TENM4: variants seen among roughly 807,000 people sequenced by gnomAD.
The protein encoded by TENM4 is teneurin transmembrane protein 4.
In TENM4, 82 loss-of-function variants were observed where a neutral mutation model predicts 243.3. That is an observed-to-expected ratio of 0.34 (90% CI 0.28 to 0.40). The LOEUF is 0.40. TENM4 is among the 10% of genes least tolerant of loss of function. The pLI is 1.00. For missense variants in TENM4, 3,138 were observed against 3,673.3 expected, an observed-to-expected ratio of 0.85 and a Z score of 3.77; for synonymous variants, 1,412 against 1,456.3, an observed-to-expected ratio of 0.97 and a Z score of 0.69.
chr11:79,138,430 T>C (rs1341054391), intron 4 of TENM4, among the ~76,000 whole-genome samples: 2 of 115,860 alleles, frequency 1.7e-5, no homozygotes, highest in Non-Finnish European at 3.2e-5. Flanking sequence ...ATATTATATA[T>C]AAATATATAT....
At chr11:78,763,855 T>C (rs1211209147) in intron 18 of TENM4, among the ~76,000 whole-genome samples, 1 of 148,164 alleles carries the variant, frequency 6.7e-6, no homozygotes, top group Non-Finnish European at 1.5e-5. Context: ...ACAAAAGAAA[T>C]TTGAGTGTCT....
At chr11:79,431,491 A>G (rs998892650) in intron 1 of TENM4, among the ~76,000 whole-genome samples, 4 of 152,194 alleles carry the variant, frequency 2.6e-5, no homozygotes, top group Non-Finnish European at 5.9e-5. Flanking sequence ...ACTAAACGGA[A>G]TAAGTGTTCC....
chr11:79,424,261 C>G (rs1199767983), intron 1 of TENM4, among the ~76,000 whole-genome samples: 1 of 152,068 alleles, frequency 6.6e-6, no homozygotes, highest in Non-Finnish European at 1.5e-5. Context: ...GCCCAACATC[C>G]GTGATTCACA....
At chr11:78,660,152 C>A (rs1433022174) in intron 33 of TENM4, among the ~76,000 whole-genome samples, 1 of 152,056 alleles carries the variant, frequency 6.6e-6, no homozygotes, top group African/African-American at 2.4e-5. Flanking sequence ...AGAGCAAATG[C>A]CAGGATATCT....
intron 12 of TENM4, among the ~76,000 whole-genome samples, chr11:78,842,297 A>G (rs1858277683): frequency 6.6e-6 from 1 of 152,232 alleles, no homozygotes; most frequent in South Asian, 2.1e-4. Context: ...ACAAGTGGTC[A>G]ATAGAACCAG....
At position 78,676,357 on chromosome 11, in the gene TENM4, G is replaced by A; in HGVS notation, c.5291C>T (p.Ala1764Val). The A allele has an allele frequency of 1.2e-6, 2 of 1,606,046 alleles. No homozygotes were observed. The highest frequency in any genetic ancestry group is 4.5e-5 in the East Asian group (2 of 44,680). The part of the protein sequence containing the change: ...DQVRNSYYIG[A>V]DGSLRLLLAN... ...CAGCAGCAGCCGCAAGGAGCCATCG[G>A]CCCCGATGTAGTAGCTGTTCCGGAC... The change falls in exon 30 of 34, where the codon GCC (alanine) becomes GTC (valine). Residue 1764 changes from alanine (A) to valine (V), a missense_variant. Transcript: ENST00000278550.
intron 1 of TENM4, among the ~76,000 whole-genome samples, chr11:79,325,415 C>T (rs1311240992): frequency 1.3e-5 from 2 of 152,154 alleles, no homozygotes; most frequent in African/African-American, 2.4e-5. Context: ...GAAAAGACCC[C>T]AAAATTTCCC....
At chr11:79,326,795 G>A (rs557831729) in intron 1 of TENM4, among the ~76,000 whole-genome samples, 1 of 152,294 alleles carries the variant, frequency 6.6e-6, no homozygotes, top group Non-Finnish European at 1.5e-5. Context: ...CCTAAGCTAG[G>A]CAGACACCTT....
intron 3 of TENM4, among the ~76,000 whole-genome samples, chr11:79,175,950 C>G (rs1420569987): frequency 6.6e-6 from 1 of 151,976 alleles, no homozygotes; most frequent in East Asian, 1.9e-4. Context: ...CTGGGTGGCA[C>G]TAATGGTGGC....
In TENM4 at chr11:79,223,073, C is replaced by T. The variant is rs190481061; in HGVS notation, c.-264-7164G>A. Among the ~76,000 whole-genome samples the T allele has an allele frequency of 4.4e-3, 664 of 152,008 alleles. 11 individuals are homozygous for T. The highest frequency in any genetic ancestry group is 0.014 in the East Asian group (73 of 5,154). On this transcript the variant is annotated intron_variant, in intron 2 of 33. Coordinates refer to ENST00000278550, the MANE Select transcript of TENM4 (RefSeq NM_001098816.3). Reference sequence around the variant, plus strand: ...TGATGGGTTGACAGGTGCAGCACACCGCCATGGCACACGTCTACCTGTGTA... The same window carrying T: ...TGATGGGTTGACAGGTGCAGCACACTGCCATGGCACACGTCTACCTGTGTA...
rs143988120 is a variant in TENM4 at position 79,354,693 on chromosome 11, A to G, written c.-320-57150T>C. ...ACAGTAGCTTCAGAGGATAAAACAA[A>G]GACCCTCAATCCATCCCTTTTCTGA... On this transcript the variant is annotated intron_variant, in intron 1 of 33. Transcript: ENST00000278550. 3.5e-3 allele frequency among the ~76,000 whole-genome samples: 540 copies of G among 152,340 alleles called. 4 individuals are homozygous for G. The highest frequency in any genetic ancestry group is 0.012 in the African/African-American group (506 of 41,578).
At chr11:79,056,920 C>A (rs914439279) in intron 6 of TENM4, among the ~76,000 whole-genome samples, 1 of 152,192 alleles carries the variant, frequency 6.6e-6, no homozygotes, top group African/African-American at 2.4e-5. Context: ...TACTGGCAAG[C>A]CATTTTGGTC....
At chr11:79,008,656 T>C (rs2136740703) in intron 6 of TENM4, among the ~76,000 whole-genome samples, 1 of 152,344 alleles carries the variant, frequency 6.6e-6, no homozygotes, top group East Asian at 1.9e-4. Context: ...TTTTCCATAC[T>C]GTGGGATATG....
Position 78,765,565 on chromosome 11 carries a change from G to T in TENM4, c.2539+5427C>A, listed in dbSNP as rs140914155. Among the ~76,000 whole-genome samples the T allele has an allele frequency of 4.2e-3, 638 of 152,328 alleles. 4 individuals are homozygous for T. The highest frequency in any genetic ancestry group is 3.0e-3 in the Non-Finnish European group (206 of 68,022). On this transcript the variant is annotated intron_variant, in intron 18 of 33. Coordinates refer to ENST00000278550, the MANE Select transcript of TENM4 (RefSeq NM_001098816.3). ...AAAGAGATTATCATACCTTGAAGCT[G>T]CTTAAAGATCCTTTATCAGAAGAGG...
At position 78,657,500 on chromosome 11, in the gene TENM4, G is replaced by A. The variant is rs1418233701; in HGVS notation, c.*558C>T. 6.7e-6 allele frequency: 2 copies of A among 299,478 alleles called. No homozygotes were observed. Among genetic ancestry groups the A allele is most frequent in the Non-Finnish European group, 1.2e-5 (2 of 163,312 alleles). 18.6% of individuals were successfully genotyped at this position (299,478 alleles called of 1,614,324 possible). ...AGCCATCTATGATCCTCTGGAGGCA[G>A]AGAACAAGGTGAGAAGAAATCCACC... On this transcript the variant is annotated 3_prime_UTR_variant, in exon 34 of 34. Coordinates refer to ENST00000278550, the MANE Select transcript of TENM4 (RefSeq NM_001098816.3).
chr11:78,879,534 A>C (rs1340645465), intron 9 of TENM4, among the ~76,000 whole-genome samples: 5 of 78,244 alleles, frequency 6.4e-5, no homozygotes, highest in Admixed American at 1.4e-4. Context: ...GCGCCTCTGC[A>C]CGGCCGCCAC....
intron 1 of TENM4, among the ~76,000 whole-genome samples, chr11:79,361,375 A>G (rs1044119435): frequency 1.3e-5 from 2 of 152,226 alleles, no homozygotes; most frequent in African/African-American, 2.4e-5. Flanking sequence ...ACAATGTCAG[A>G]TAATTATTTT....
chr11:79,016,503 G>A (rs9804662), intron 6 of TENM4, among the ~76,000 whole-genome samples: 48,274 of 151,968 alleles, frequency 0.32, 8,976 homozygotes, highest in Non-Finnish European at 0.42. Flanking sequence ...GTTATGTTAC[G>A]TTTGAGAGGC....
intron 6 of TENM4, among the ~76,000 whole-genome samples, chr11:78,960,186 G>A: frequency 6.6e-6 from 1 of 152,058 alleles, no homozygotes; most frequent in Non-Finnish European, 1.5e-5. Context: ...TGCATCATTT[G>A]AAACACAGGC....
Sources: gnomAD v4.1 joint callset for allele counts (sites outside exome capture counted in the v4.1 genomes callset) on GRCh38, gnomAD v4.1.1 for gene constraint, MANE v1.5 for transcripts, NCBI Gene and HGNC (gene_info 2026-07-23, HGNC 2026-07-21) for gene names.